PALM2AKAP2: variants seen among roughly 807,000 people sequenced by gnomAD.
The protein encoded by PALM2AKAP2 is PALM2-AKAP2 fusion protein.
PALM2AKAP2 carries 37 observed loss-of-function variants against 71.5 expected under a neutral mutation model. The ratio of observed to expected loss-of-function variants is 0.52; its 90% CI spans 0.40 to 0.68. PALM2AKAP2 has a LOEUF of 0.68. Among genes scored for constraint, PALM2AKAP2 ranks in the 30% least tolerant of loss-of-function variants. PALM2AKAP2 has a pLI of 0.00. For missense variants in PALM2AKAP2, 1,224 were observed against 1,191.8 expected (o/e 1.03, Z -0.40); for synonymous variants, 468 against 478.8 (o/e 0.98, Z 0.29).
chr9:109,849,873 T>A (rs981515442), intron 1 of PALM2AKAP2, among the ~76,000 whole-genome samples: 5 of 152,344 alleles, frequency 3.3e-5, no homozygotes, highest in South Asian at 2.1e-4. Flanking sequence ...GCTATTTTTT[T>A]AAACCTTTCA....
At chr9:109,913,362 A>G (rs1279594546) in intron 3 of PALM2AKAP2, among the ~76,000 whole-genome samples, 1 of 152,236 alleles carries the variant, frequency 6.6e-6, no homozygotes, top group East Asian at 1.9e-4. Context: ...AGGAAGCCAG[A>G]CGGACACAAA....
Position 110,139,497 on chromosome 9 carries a change from G to A in PALM2AKAP2, c.2569+958G>A, listed in dbSNP as rs190354688. On this transcript the variant is annotated intron_variant, in intron 2 of 3. Transcript: ENST00000374525. ...TGTGATATTGTCCTGAAATCCAAGC[G>A]TGGGATTTTTGTATTTTACAAAACT... is the stretch of plus-strand genomic sequence containing the variant. 2.5e-4 allele frequency among the ~76,000 whole-genome samples: 38 copies of A among 152,296 alleles called. 1 individual carries two copies. Among genetic ancestry groups the A allele is most frequent in the Admixed American group, 1.0e-3 (16 of 15,292 alleles).
chr9:109,732,470 G>A (rs1231836362), intron 1 of PALM2AKAP2, among the ~76,000 whole-genome samples: 2 of 152,208 alleles, frequency 1.3e-5, no homozygotes, highest in East Asian at 3.8e-4. Context: ...AAGAATGGGT[G>A]GATGACAGTA....
chr9:110,010,890 G>T (rs1832869432), intron 6 of PALM2AKAP2, among the ~76,000 whole-genome samples: 1 of 147,430 alleles, frequency 6.8e-6, no homozygotes, highest in Admixed American at 6.8e-5. Context: ...CAGCTACTCA[G>T]GAGGCTGAGG....
intron 1 of PALM2AKAP2, among the ~76,000 whole-genome samples, chr9:110,063,965 G>A (rs916689442): frequency 6.6e-6 from 1 of 152,166 alleles, no homozygotes; most frequent in African/African-American, 2.4e-5. Context: ...GCAGGCATGG[G>A]ACAGGTCAGG....
intron 1 of PALM2AKAP2, among the ~76,000 whole-genome samples, chr9:109,826,925 T>C (rs1167962595): frequency 6.6e-6 from 1 of 152,188 alleles, no homozygotes; most frequent in Non-Finnish European, 1.5e-5. Context: ...AAAGATATGG[T>C]TCTCCTGATT....
intron 1 of PALM2AKAP2, among the ~76,000 whole-genome samples, chr9:110,103,090 C>T (rs1835038141): frequency 6.6e-6 from 1 of 152,182 alleles, no homozygotes; most frequent in Non-Finnish European, 1.5e-5. Context: ...TCAGCTTTCC[C>T]TTCCTCATGG....
At chr9:110,162,357 G>GCCC in intron 3 of PALM2AKAP2, among the ~76,000 whole-genome samples, 1 of 152,308 alleles carries the variant, frequency 6.6e-6, no homozygotes, top group East Asian at 1.9e-4. Flanking sequence ...TGCTGTGGGG[G>GCCC]CGAGTGGGAG....
intron 1 of PALM2AKAP2, among the ~76,000 whole-genome samples, chr9:109,749,609 C>A (rs1818888957): frequency 6.6e-6 from 1 of 150,748 alleles, no homozygotes; most frequent in Admixed American, 6.6e-5. Flanking sequence ...TAAGCACCTA[C>A]AATTCTAGAA....
intron 1 of PALM2AKAP2, among the ~76,000 whole-genome samples, chr9:110,065,177 A>G (rs1416809297): frequency 6.6e-6 from 1 of 152,232 alleles, no homozygotes; most frequent in Non-Finnish European, 1.5e-5. Flanking sequence ...ACATTTCTGT[A>G]GACATTTGTT....
At chr9:110,055,488 C>T (rs1456117588) in intron 1 of PALM2AKAP2, among the ~76,000 whole-genome samples, 3 of 152,184 alleles carry the variant, frequency 2.0e-5, no homozygotes, top group Non-Finnish European at 4.4e-5. Context: ...TGAGCCACCA[C>T]GCCTGGGGAA....
intron 1 of PALM2AKAP2, among the ~76,000 whole-genome samples, chr9:110,053,527 C>CAAAAAAAAAAAAAA (rs56132919): frequency 4.5e-4 from 37 of 82,808 alleles, no homozygotes; most frequent in Admixed American, 4.8e-4. Context: ...AACTCTGTCT[C>CAAAAAAAAAAAAAA]AAAAAAAAAA....
At chr9:110,019,390 A>G (rs1358688887) in intron 7 of PALM2AKAP2, among the ~76,000 whole-genome samples, 2 of 152,218 alleles carry the variant, frequency 1.3e-5, no homozygotes, top group Admixed American at 6.5e-5. Context: ...TTCAACCCCT[A>G]TGGAAAACAG....
chr9:109,759,666 T>G (rs561588185), intron 1 of PALM2AKAP2, among the ~76,000 whole-genome samples: 4 of 152,280 alleles, frequency 2.6e-5, no homozygotes, highest in African/African-American at 9.6e-5. Context: ...TGCGTCCTCC[T>G]CCATGAAATA....
intron 1 of PALM2AKAP2, among the ~76,000 whole-genome samples, chr9:109,729,008 T>C (rs1828515257): frequency 1.3e-5 from 2 of 152,216 alleles, no homozygotes; most frequent in Admixed American, 6.5e-5. Context: ...ACTGAGATAG[T>C]CCTGATGAGA....
At chr9:109,821,823 T>C (rs907812364) in intron 1 of PALM2AKAP2, among the ~76,000 whole-genome samples, 1 of 152,214 alleles carries the variant, frequency 6.6e-6, no homozygotes, top group Non-Finnish European at 1.5e-5. Flanking sequence ...GCCCATTCTC[T>C]TAGGGATCTT....
At position 110,075,026 on chromosome 9, in the gene PALM2AKAP2, G is replaced by GA. The variant is rs143154900; in HGVS notation, c.156+26181dup. On this transcript the variant is annotated intron_variant, in intron 1 of 3. Coordinates refer to ENST00000374525, the Ensembl canonical transcript of PALM2AKAP2. ...TCAAGAAAAAAAAGAAAAAGAAAAA[G>GA]AAAAAAAAAAGTCACTGTAAGAGAT... is the stretch of plus-strand genomic sequence containing the variant. Among the ~76,000 whole-genome samples, 624 of 148,614 alleles carry GA rather than the reference G, an allele frequency of 4.2e-3. 7 individuals are homozygous for GA. Among genetic ancestry groups the GA allele is most frequent in the African/African-American group, 0.014 (553 of 40,572 alleles).
At chr9:109,754,651 T>C (rs1268154683) in intron 1 of PALM2AKAP2, among the ~76,000 whole-genome samples, 1 of 147,856 alleles carries the variant, frequency 6.8e-6, no homozygotes. Flanking sequence ...AAGTCCTAGA[T>C]CAGGGTGCCA....
intron 3 of PALM2AKAP2, among the ~76,000 whole-genome samples, chr9:109,888,541 T>G (rs1830016603): frequency 6.6e-6 from 1 of 151,914 alleles, no homozygotes; most frequent in Non-Finnish European, 1.5e-5. Flanking sequence ...AAACCTCTTC[T>G]CTACTAAAAA....
Sources: allele counts gnomAD v4.1 joint callset (sites outside exome capture counted in the v4.1 genomes callset), GRCh38; gene constraint gnomAD v4.1.1; transcripts MANE v1.5; gene names NCBI Gene and HGNC (gene_info 2026-07-23, HGNC 2026-07-21).